Variants in TSHZ2 observed in about 807,000 individuals in gnomAD.
The protein encoded by TSHZ2 is teashirt zinc finger homeobox 2.
TSHZ2 carries 21 observed loss-of-function variants against 74.4 expected under a neutral mutation model. The ratio of observed to expected loss-of-function variants is 0.28; its 90% confidence interval spans 0.20 to 0.41. The LOEUF is 0.41. Ranked by LOEUF, TSHZ2 falls within the 10% of genes least tolerant of loss-of-function variation. TSHZ2 has a pLI of 1.00. For missense variants in TSHZ2, 1,244 were observed against 1,293.5 expected (o/e 0.96, Z 0.59); for synonymous variants, 540 against 515.3 (o/e 1.05, Z -0.65).
At chr20:53,445,241 T>A (rs1177714283) in intron 2 of TSHZ2, among the ~76,000 whole-genome samples, 1 of 152,194 alleles carries the variant, frequency 6.6e-6, no homozygotes, top group Non-Finnish European at 1.5e-5. Context: ...TTTTCATGAT[T>A]CATATTGGGT....
chr20:53,216,822 C>G (rs1341842987), intron 1 of TSHZ2, among the ~76,000 whole-genome samples: 1 of 152,174 alleles, frequency 6.6e-6, no homozygotes, highest in African/African-American at 2.4e-5. Context: ...CTACATCTTG[C>G]TGGGACTGAG....
intron 1 of TSHZ2, among the ~76,000 whole-genome samples, chr20:53,057,112 T>C (rs1984665888): frequency 6.6e-6 from 1 of 152,214 alleles, no homozygotes; most frequent in African/African-American, 2.4e-5. Flanking sequence ...TCCTGTAAGA[T>C]GTGCCTTTGC....
At chr20:53,231,671 T>C (rs1201373198) in intron 1 of TSHZ2, among the ~76,000 whole-genome samples, 1 of 152,164 alleles carries the variant, frequency 6.6e-6, no homozygotes, top group Admixed American at 6.5e-5. Context: ...TCTTTTTTTT[T>C]GGTCTTTAAG....
intron 1 of TSHZ2, among the ~76,000 whole-genome samples, chr20:52,993,186 T>C (rs1228486650): frequency 6.6e-6 from 1 of 152,206 alleles, no homozygotes; most frequent in Non-Finnish European, 1.5e-5. Flanking sequence ...ATCCATATAA[T>C]TTAACCTCAT....
chr20:53,101,332 T>C (rs953484603), intron 1 of TSHZ2, among the ~76,000 whole-genome samples: 7 of 152,230 alleles, frequency 4.6e-5, no homozygotes, highest in Non-Finnish European at 7.3e-5. Context: ...TATTTGGTCA[T>C]TAATAATGAA....
At chr20:53,040,685 T>TG (rs1332080415) in intron 1 of TSHZ2, among the ~76,000 whole-genome samples, 1 of 152,050 alleles carries the variant, frequency 6.6e-6, no homozygotes. Flanking sequence ...CCTGACCTGG[T>TG]GGCAGGGTCC....
intron 2 of TSHZ2, among the ~76,000 whole-genome samples, chr20:53,418,166 G>A (rs1355743056): frequency 6.6e-6 from 1 of 152,202 alleles, no homozygotes; most frequent in Non-Finnish European, 1.5e-5. Flanking sequence ...TGCTGAGAGA[G>A]TAAAGGGGAG....
At chr20:53,164,066 C>T (rs1988010595) in intron 1 of TSHZ2, among the ~76,000 whole-genome samples, 1 of 152,010 alleles carries the variant, frequency 6.6e-6, no homozygotes, top group African/African-American at 2.4e-5. Flanking sequence ...TATTACAGGA[C>T]ATTTACTTTG....
chr20:52,997,544 A>G (rs574003917), intron 1 of TSHZ2, among the ~76,000 whole-genome samples: 50 of 151,534 alleles, frequency 3.3e-4, no homozygotes, highest in African/African-American at 1.2e-3. Context: ...ACATTTCTAT[A>G]TTTTCTTTTC....
intron 1 of TSHZ2, among the ~76,000 whole-genome samples, chr20:53,154,964 G>C (rs563443128): frequency 6.7e-6 from 1 of 150,296 alleles, no homozygotes; most frequent in South Asian, 2.1e-4. Flanking sequence ...CTGTATAAAA[G>C]ATGCCTGTCA....
At chr20:53,151,104 C>T (rs556338351) in intron 1 of TSHZ2, among the ~76,000 whole-genome samples, 28 of 152,306 alleles carry the variant, frequency 1.8e-4, no homozygotes, top group South Asian at 8.3e-4. Flanking sequence ...CTTGACAGCA[C>T]ATTCCTGTTA....
intron 1 of TSHZ2, among the ~76,000 whole-genome samples, chr20:52,976,095 A>G (rs149295717): frequency 9.5e-4 from 144 of 152,342 alleles, no homozygotes; most frequent in African/African-American, 3.3e-3. Flanking sequence ...ATTCCTTTGT[A>G]TTATTAGTTA....
At chr20:53,076,039 C>A (rs559693937) in intron 1 of TSHZ2, among the ~76,000 whole-genome samples, 12 of 152,180 alleles carry the variant, frequency 7.9e-5, no homozygotes, top group African/African-American at 2.2e-4. Context: ...AGGTTCCTTT[C>A]GACTCTGAGA....
In TSHZ2 at chr20:53,072,077, A is replaced by T. The variant is rs371623796; in HGVS notation, c.40+98744A>T. On this transcript the variant is annotated intron_variant, in intron 1 of 2. Transcript: ENST00000371497. Reference sequence around the variant, plus strand: ...CACAGCAGAGAATCACCTGGCCCCAAATGTCAGTCGCGCGGAGGCTGGGGA... The same window carrying T: ...CACAGCAGAGAATCACCTGGCCCCATATGTCAGTCGCGCGGAGGCTGGGGA... Among the ~76,000 whole-genome samples the T allele has an allele frequency of 2.4e-4, 37 of 152,294 alleles. No individual in the cohort carries two copies. In the East Asian group the frequency reaches 6.2e-3, roughly 25 times the overall value.
chr20:53,052,252 G>A (rs879296426), intron 1 of TSHZ2, among the ~76,000 whole-genome samples: 3 of 152,136 alleles, frequency 2.0e-5, no homozygotes, highest in Non-Finnish European at 4.4e-5. Flanking sequence ...TTTGTGACTG[G>A]CTTATTTCAC....
At chr20:53,015,803 T>A (rs566049316) in intron 1 of TSHZ2, among the ~76,000 whole-genome samples, 1 of 151,802 alleles carries the variant, frequency 6.6e-6, no homozygotes, top group South Asian at 2.1e-4. Flanking sequence ...GATGGGAGGG[T>A]GAGAAGTGGG....
intron 1 of TSHZ2, among the ~76,000 whole-genome samples, chr20:53,188,079 C>CA (rs1988643133): frequency 6.6e-6 from 1 of 152,164 alleles, no homozygotes; most frequent in South Asian, 2.1e-4. Context: ...TCAGAACAGG[C>CA]AGTTTGTCAG....
At chr20:53,127,310 A>T (rs1986972758) in intron 1 of TSHZ2, among the ~76,000 whole-genome samples, 1 of 152,254 alleles carries the variant, frequency 6.6e-6, no homozygotes, top group Admixed American at 6.5e-5. Flanking sequence ...GGATTCAGAG[A>T]TAAACAAGGA....
intron 2 of TSHZ2, among the ~76,000 whole-genome samples, chr20:53,294,690 C>T (rs1185026675): frequency 6.6e-6 from 1 of 152,196 alleles, no homozygotes; most frequent in East Asian, 1.9e-4. Flanking sequence ...TGGAAACTCA[C>T]CAGCTCAGAG....
Sources: allele counts gnomAD v4.1 joint callset (sites outside exome capture counted in the v4.1 genomes callset), GRCh38; gene constraint gnomAD v4.1.1; transcripts MANE v1.5; gene names NCBI Gene and HGNC (gene_info 2026-07-23, HGNC 2026-07-21).